Variants in ATL1 observed in about 807,000 individuals in gnomAD.
ATL1 encodes the protein atlastin GTPase 1.
In ATL1, 31 loss-of-function variants were observed where a neutral mutation model predicts 75.5. The ratio of observed to expected loss-of-function variants is 0.41; its 90% CI spans 0.31 to 0.55. The LOEUF is 0.55. Among genes scored for constraint, ATL1 ranks in the 20% least tolerant of loss-of-function variants. The pLI, the probability that ATL1 is intolerant of heterozygous loss-of-function variation, is 0.27. For synonymous variants in ATL1, 226 were observed against 233.3 expected (o/e 0.97, Z 0.28); for missense variants, 405 against 662.6 (o/e 0.61, Z 4.27).
intron 4 of ATL1, 196 bp downstream of exon 4, chr14:50,591,835 A>G (rs2039161684): frequency 3.7e-6 from 2 of 546,846 alleles, no homozygotes; most frequent in Non-Finnish European, 6.5e-6. Context: ...ATTACTGACA[A>G]ACTTTCAAAT....
chr14:50,560,202 G>GCGGC lies in ATL1; in HGVS notation c.-62_-59dup. ...CGGAGCCTCCCACCGCCAGCAACCT[G>GCGGC]CGGCCCCGGAGAAGGCAGCGAGCGC... is the stretch of plus-strand genomic sequence containing the variant. On this transcript the variant is annotated 5_prime_UTR_variant, in exon 1 of 14. Transcript: ENST00000358385. The GCGGC allele has an allele frequency of 6.2e-7, 1 of 1,601,072 alleles. No individual in the cohort carries two copies. Among genetic ancestry groups the GCGGC allele is most frequent in the Non-Finnish European group, 8.5e-7 (1 of 1,173,060 alleles).
chr14:50,602,509 T>G (rs2039280504), intron 6 of ATL1, among the ~76,000 whole-genome samples: 2 of 152,132 alleles, frequency 1.3e-5, no homozygotes, highest in Admixed American at 6.5e-5. Context: ...CATTCCCCAT[T>G]TACTAAAGTG....
intron 13 of ATL1, 59 bp from the exon 14 acceptor site, chr14:50,632,170 A>C: frequency 7.6e-7 from 1 of 1,308,198 alleles, no homozygotes; most frequent in Middle Eastern, 1.9e-4. Flanking sequence ...TAAAAAGGAA[A>C]AAATTTTACA....
intron 6 of ATL1, among the ~76,000 whole-genome samples, chr14:50,598,363 T>A (rs968352160): frequency 2.0e-5 from 3 of 151,978 alleles, no homozygotes; most frequent in African/African-American, 7.2e-5. Flanking sequence ...TTTTTATTTT[T>A]ATTTTTTTTT....
At chr14:50,579,322 C>G (rs7152874) in intron 1 of ATL1, among the ~76,000 whole-genome samples, 78,010 of 151,932 alleles carry the variant, frequency 0.51, 20,730 homozygotes, top group East Asian at 0.74. Context: ...GGTCTGTAGT[C>G]TTTTCTATTG....
chr14:50,618,338 A>G lies in ATL1; in HGVS notation c.863-2261A>G, dbSNP rs116856981. ...GGAACGTGGTAACATAAATACAAAT[A>G]TCAGTATTGTAGTCCAGTGAATACT... is the stretch of plus-strand genomic sequence containing the variant. On this transcript the variant is annotated intron_variant, in intron 8 of 13. Coordinates refer to ENST00000358385, the MANE Select transcript of ATL1 (RefSeq NM_015915.5). Among the ~76,000 whole-genome samples the G allele has an allele frequency of 5.2e-4, 79 of 152,342 alleles. No individual in the cohort carries two copies. In the East Asian group the frequency reaches 0.014, roughly 27 times the overall value.
Position 50,623,157 on chromosome 14 carries a change from A to G in ATL1, c.1048-20A>G. 2 of 1,610,344 alleles carry G rather than the reference A, an allele frequency of 1.2e-6. No homozygotes were observed. The highest frequency in any genetic ancestry group is 1.7e-6 in the Non-Finnish European group (2 of 1,177,446). On this transcript the variant is annotated intron_variant, in intron 10 of 13. Coordinates refer to ENST00000358385, the MANE Select transcript of ATL1 (RefSeq NM_015915.5). ...CAATATGAACTGCATTTTACATCAT[A>G]TTTTGTACTTTGTCCAAAGGCCACA... is the stretch of plus-strand genomic sequence containing the variant.
intron 1 of ATL1, among the ~76,000 whole-genome samples, chr14:50,543,731 A>G (rs975403220): frequency 6.6e-6 from 1 of 152,214 alleles, no homozygotes; most frequent in African/African-American, 2.4e-5. Context: ...TTCAGAATGC[A>G]TGGGCCTGTG....
chr14:50,592,930 AT>A (rs1434973018), intron 4 of ATL1, among the ~76,000 whole-genome samples: 714 of 38,792 alleles, frequency 0.018, 2 homozygotes, highest in African/African-American at 0.047. Flanking sequence ...AAAAAAAAAA[AT>A]ATATATATAT....
At chr14:50,582,983 A>G (rs1257248627) in intron 1 of ATL1, among the ~76,000 whole-genome samples, 1 of 152,182 alleles carries the variant, frequency 6.6e-6, no homozygotes, top group Non-Finnish European at 1.5e-5. Flanking sequence ...TGCAGAAGAG[A>G]TTATTTGATA....
intron 12 of ATL1, 101 bp downstream of exon 12, chr14:50,628,563 T>C: frequency 8.0e-7 from 1 of 1,253,970 alleles, no homozygotes; most frequent in Non-Finnish European, 1.1e-6. Context: ...TCAACAGGAA[T>C]TGGGCCCCAG....
intron 1 of ATL1, among the ~76,000 whole-genome samples, chr14:50,537,783 C>A (rs372846949): frequency 1.3e-5 from 2 of 152,318 alleles, no homozygotes; most frequent in South Asian, 4.1e-4. Flanking sequence ...TTGTTTTGGC[C>A]CATTTCTCCC....
chr14:50,575,334 C>T (rs1423998073), intron 1 of ATL1, among the ~76,000 whole-genome samples: 2 of 152,022 alleles, frequency 1.3e-5, no homozygotes, highest in African/African-American at 4.8e-5. Context: ...TGCATTAATC[C>T]TTTTAACCCT....
chr14:50,543,823 C>G (rs938205436), intron 1 of ATL1, among the ~76,000 whole-genome samples: 1 of 152,136 alleles, frequency 6.6e-6, no homozygotes, highest in Non-Finnish European at 1.5e-5. Context: ...AACTTTGTCT[C>G]TATTATATTG....
intron 1 of ATL1, among the ~76,000 whole-genome samples, chr14:50,538,272 A>G (rs1049227148): frequency 1.3e-5 from 2 of 152,164 alleles, no homozygotes; most frequent in Non-Finnish European, 2.9e-5. Context: ...TTCTGCCACA[A>G]TTGTGAGGCT....
chr14:50,621,955 G>T (rs1232164332), intron 10 of ATL1, 56 bp downstream of exon 10: 4 of 1,212,466 alleles, frequency 3.3e-6, no homozygotes, highest in Non-Finnish European at 4.9e-6. Context: ...TAAGATTTCT[G>T]GCTGTCAGAA....
rs1228326907 is a variant in ATL1 at position 50,628,305 on chromosome 14, C to A, written c.1394C>A (p.Thr465Asn). 1 of 1,614,120 alleles carries A rather than the reference C, an allele frequency of 6.2e-7. No homozygotes were observed. Among genetic ancestry groups the A allele is most frequent in the Non-Finnish European group, 8.5e-7 (1 of 1,180,030 alleles). ...ATCACATATGTGATTGCTGGTGTGA[C>A]TGGATTCATTGGTTTGGACATCATA... ...IFITYVIAGVTGFIGLDIIAS... is the reference protein window; with the variant it reads ...IFITYVIAGVNGFIGLDIIAS... Residue 465 changes from threonine to asparagine, a missense_variant, in exon 12 of 14, where the codon ACT (threonine) becomes AAT (asparagine). Around this residue, in one of 5 missense-constraint regions of ATL1, gnomAD observed 163 missense variants for 244.1 expected, o/e 0.67. Coordinates refer to ENST00000358385, the MANE Select transcript of ATL1 (RefSeq NM_015915.5).
intron 8 of ATL1, among the ~76,000 whole-genome samples, chr14:50,619,490 A>G (rs1291721084): frequency 6.6e-6 from 1 of 152,220 alleles, no homozygotes; most frequent in Admixed American, 6.5e-5. Flanking sequence ...GGTGGGAGCC[A>G]CTGCACCCGG....
chr14:50,628,505 G>A, intron 12 of ATL1, 43 bp downstream of exon 12: 1 of 1,585,994 alleles, frequency 6.3e-7, no homozygotes, highest in Non-Finnish European at 8.6e-7. Context: ...GCACACATTT[G>A]AATGTCATCC....
Sources: gnomAD v4.1 joint callset for allele counts (sites outside exome capture counted in the v4.1 genomes callset) on GRCh38, gnomAD v4.1.1 for gene constraint, gnomAD v4.1.1 regional missense constraint, MANE v1.5 for transcripts, NCBI Gene and HGNC (gene_info 2026-07-23, HGNC 2026-07-21) for gene names.